The following TGFBR3 variants were observed in gnomAD, a reference collection of about 807,000 sequenced individuals.
TGFBR3 encodes the protein transforming growth factor beta receptor 3, also known as transforming growth factor beta receptor type 3.
A neutral mutation model predicts 87.9 loss-of-function variants in TGFBR3; 46 were observed. That is an observed-to-expected ratio of 0.52 (90% CI 0.41 to 0.67). The LOEUF is 0.67. TGFBR3 is among the 30% of genes least tolerant of loss of function. TGFBR3 has a pLI of 0.00. For synonymous variants in TGFBR3, 381 were observed against 391.6 expected, an observed-to-expected ratio of 0.97 and a Z score of 0.32; for missense variants, 866 against 1,041.9, an observed-to-expected ratio of 0.83 and a Z score of 2.32.
intron 2 of TGFBR3, among the ~76,000 whole-genome samples, chr1:91,847,554 G>C (rs1281212326): frequency 7.2e-6 from 1 of 139,470 alleles, no homozygotes; most frequent in Non-Finnish European, 1.5e-5. Context: ...AGTGAGCCGA[G>C]ATCACGCCAT....
At chr1:91,817,774 G>C (rs1214156324) in intron 2 of TGFBR3, among the ~76,000 whole-genome samples, 2 of 151,836 alleles carry the variant, frequency 1.3e-5, no homozygotes, top group Non-Finnish European at 2.9e-5. Context: ...TCTGGAATAA[G>C]GCCCCAGCTC....
At chr1:91,819,742 C>T (rs1476047290) in intron 2 of TGFBR3, among the ~76,000 whole-genome samples, 2 of 152,192 alleles carry the variant, frequency 1.3e-5, no homozygotes, top group African/African-American at 4.8e-5. Flanking sequence ...ACCACCCCCT[C>T]CCTCCCCTAA....
chr1:91,734,990 G>C (rs756466982), intron 4 of TGFBR3, 31 bp from the exon 5 acceptor site: 3 of 1,612,482 alleles, frequency 1.9e-6, no homozygotes, highest in Non-Finnish European at 1.7e-6. Context: ...TATTTAACAT[G>C]GTGCAGTCAC....
chr1:91,783,396 AG>A (rs1450536976), intron 3 of TGFBR3: 1 of 152,234 alleles, frequency 6.6e-6, no homozygotes, highest in Admixed American at 6.5e-5. Flanking sequence ...CTCAGAGACA[AG>A]GACTCCTTCA....
chr1:91,852,825 A>T (rs1183227995), intron 2 of TGFBR3, among the ~76,000 whole-genome samples: 1 of 152,208 alleles, frequency 6.6e-6, no homozygotes, highest in African/African-American at 2.4e-5. Context: ...TTCCTTGTGT[A>T]TCAAAAAGCA....
In TGFBR3 at chr1:91,680,742, GTAGT is replaced by G. The variant is rs1297293558; in HGVS notation, c.*2993_*2996del. The G allele has an allele frequency of 2.2e-6, 1 of 454,020 alleles. No individual in the cohort carries two copies. Among genetic ancestry groups the G allele is most frequent in the Non-Finnish European group, 4.4e-6 (1 of 226,780 alleles). The allele number at this position is 454,020 out of a possible 1,614,324, so 28.1% of individuals were successfully genotyped here. A position where few individuals can be genotyped will look rare whatever the true frequency, so the allele number is the denominator to read the frequency against. On this transcript the variant is annotated 3_prime_UTR_variant, in exon 17 of 17. Coordinates refer to ENST00000212355, the MANE Select transcript of TGFBR3 (RefSeq NM_003243.5). ...GTACAATCATCATTCAAACCATGAG[GTAGT>G]TACAGTACAAAAAGACTGGCACGCG... is the stretch of plus-strand genomic sequence containing the variant.
chr1:91,899,320 A>G (rs1295858491), intron 2 of TGFBR3, among the ~76,000 whole-genome samples: 1 of 152,160 alleles, frequency 6.6e-6, no homozygotes, highest in African/African-American at 2.4e-5. Context: ...GAATTCAGCA[A>G]CATAGTGAGA....
intron 3 of TGFBR3, among the ~76,000 whole-genome samples, chr1:91,772,775 T>C (rs1446904274): frequency 6.6e-6 from 1 of 152,202 alleles, no homozygotes; most frequent in Non-Finnish European, 1.5e-5. Context: ...CTTTCTGAGA[T>C]GCCCTCTTAA....
At chr1:91,812,931 A>G (rs1279265324) in intron 2 of TGFBR3, among the ~76,000 whole-genome samples, 1 of 152,106 alleles carries the variant, frequency 6.6e-6, no homozygotes, top group Non-Finnish European at 1.5e-5. Flanking sequence ...AGTTTTGCCT[A>G]TACTTTTCAT....
intron 3 of TGFBR3, among the ~76,000 whole-genome samples, chr1:91,788,461 T>TG (rs1675056991): frequency 6.6e-6 from 1 of 152,210 alleles, no homozygotes; most frequent in African/African-American, 2.4e-5. Flanking sequence ...GGCCTCTTCA[T>TG]CGTGGAAGAA....
chr1:91,829,329 T>C (rs1340565485), intron 2 of TGFBR3, among the ~76,000 whole-genome samples: 1 of 151,698 alleles, frequency 6.6e-6, no homozygotes, highest in Non-Finnish European at 1.5e-5. Context: ...TGAGCTGAGA[T>C]TGCCCCACTG....
intron 5 of TGFBR3, among the ~76,000 whole-genome samples, chr1:91,730,197 G>T (rs1439528139): frequency 6.6e-6 from 1 of 152,034 alleles, no homozygotes; most frequent in Non-Finnish European, 1.5e-5. Context: ...GGCCTCTTTT[G>T]GCTAAATCTT....
At chr1:91,790,759 T>C (rs1675156770) in intron 3 of TGFBR3, among the ~76,000 whole-genome samples, 1 of 152,184 alleles carries the variant, frequency 6.6e-6, no homozygotes, top group Admixed American at 6.5e-5. Flanking sequence ...AAGTCATTTA[T>C]GAATAGCAGC....
intron 2 of TGFBR3, among the ~76,000 whole-genome samples, chr1:91,853,822 G>A (rs533899191): frequency 6.6e-6 from 1 of 152,288 alleles, no homozygotes; most frequent in African/African-American, 2.4e-5. Flanking sequence ...GACCAGCGTG[G>A]CCAATATGGT....
chr1:91,813,051 G>A (rs1006974667), intron 2 of TGFBR3, among the ~76,000 whole-genome samples: 24 of 152,178 alleles, frequency 1.6e-4, no homozygotes, highest in Middle Eastern at 3.4e-3. Flanking sequence ...AATCAAGTCT[G>A]GATGAAGACC....
chr1:91,762,493 T>TG (rs1313297949), intron 3 of TGFBR3, among the ~76,000 whole-genome samples: 1 of 152,216 alleles, frequency 6.6e-6, no homozygotes, highest in Non-Finnish European at 1.5e-5. Context: ...ACTTAATAGA[T>TG]GAAGACTCAG....
chr1:91,884,775 A>G (rs1424260634), intron 1 of TGFBR3, among the ~76,000 whole-genome samples: 1 of 152,252 alleles, frequency 6.6e-6, no homozygotes, highest in Non-Finnish European at 1.5e-5. Context: ...AAAAGAAACA[A>G]CTGAGTTCAC....
intron 3 of TGFBR3, among the ~76,000 whole-genome samples, chr1:91,769,623 G>A (rs1369484879): frequency 1.3e-5 from 2 of 152,156 alleles, no homozygotes; most frequent in East Asian, 1.9e-4. Context: ...AAGGATAAGG[G>A]AGCTGTGTTT....
chr1:91,785,140 A>T (rs1674910079), intron 3 of TGFBR3, among the ~76,000 whole-genome samples: 1 of 152,270 alleles, frequency 6.6e-6, no homozygotes, highest in Non-Finnish European at 1.5e-5. Context: ...AAAACTACCC[A>T]GGAATAAAAA....
Sources: gnomAD v4.1 joint callset for allele counts (sites outside exome capture counted in the v4.1 genomes callset) on GRCh38, gnomAD v4.1.1 for gene constraint, MANE v1.5 for transcripts, NCBI Gene and HGNC (gene_info 2026-07-23, HGNC 2026-07-21) for gene names.